VAT1L: variants seen among roughly 807,000 people sequenced by gnomAD.
VAT1L encodes the protein vesicle amine transport 1 like, also known as putative NADPH-dependent quinone oxidoreductase VAT1L.
A neutral mutation model predicts 44.1 loss-of-function variants in VAT1L; 34 were observed. That is an observed-to-expected ratio of 0.77 (90% CI 0.59 to 1.03). The LOEUF (loss-of-function observed/expected upper bound fraction) is 1.03, where lower values mean the gene tolerates loss of function less well. Ranked by LOEUF, VAT1L falls within the 50% of genes least tolerant of loss-of-function variation. The pLI is 0.00. For synonymous variants in VAT1L, 253 were observed against 202.2 expected (o/e 1.25, Z -2.13); for missense variants, 615 against 538.8 (o/e 1.14, Z -1.40).
chr16:77,797,390 C>T (rs1327266734), intron 1 of VAT1L, among the ~76,000 whole-genome samples: 3 of 152,182 alleles, frequency 2.0e-5, no homozygotes, highest in East Asian at 1.9e-4. Context: ...GGATTACAGG[C>T]GTGAGCCACC....
chr16:77,854,083 G>A (rs796198884), intron 3 of VAT1L, among the ~76,000 whole-genome samples: 9 of 151,640 alleles, frequency 5.9e-5, no homozygotes, highest in East Asian at 1.9e-4. Flanking sequence ...AGCCAAGATC[G>A]CACCACTGCA....
Position 77,788,662 on chromosome 16 carries a change from C to T in VAT1L, c.-21C>T. The stretch of plus-strand genomic sequence containing the variant: ...GCCACCGCAGCCACCGCAGCCCGTG[C>T]GCCCCGCGCCCTCGAGCGCCATGGC... On this transcript the variant is annotated 5_prime_UTR_variant, in exon 1 of 9. Coordinates refer to ENST00000302536, the MANE Select transcript of VAT1L (RefSeq NM_020927.3). 2 of 1,546,678 alleles carry T rather than the reference C, an allele frequency of 1.3e-6. No homozygotes were observed. The highest frequency in any genetic ancestry group is 1.7e-6 in the Non-Finnish European group (2 of 1,145,550).
At chr16:77,895,216 T>C (rs146082936) in intron 7 of VAT1L, among the ~76,000 whole-genome samples, 1 of 151,938 alleles carries the variant, frequency 6.6e-6, no homozygotes, top group Non-Finnish European at 1.5e-5. Context: ...GGCCCTGCCA[T>C]GCCCTTGCAC....
chr16:77,963,268 G>C (rs959524983), intron 7 of VAT1L, among the ~76,000 whole-genome samples: 1 of 152,162 alleles, frequency 6.6e-6, no homozygotes, highest in Non-Finnish European at 1.5e-5. Context: ...TTGGGGATGG[G>C]GAGATCCTCC....
chr16:77,902,980 AAAAAAAAAAAGAAAG>A (rs1341320367), intron 7 of VAT1L, among the ~76,000 whole-genome samples: 1 of 151,726 alleles, frequency 6.6e-6, no homozygotes, highest in East Asian at 1.9e-4. Flanking sequence ...CTGAAAAAAA[AAAAAAAAAAAGAAAG>A]AAAAAAAGTA....
intron 3 of VAT1L, among the ~76,000 whole-genome samples, chr16:77,833,774 A>C (rs1368917168): frequency 6.6e-6 from 1 of 151,854 alleles, no homozygotes; most frequent in Non-Finnish European, 1.5e-5. Context: ...AAGAAAAAAA[A>C]GAAAAATGAA....
intron 4 of VAT1L, among the ~76,000 whole-genome samples, chr16:77,863,319 G>A (rs2016935898): frequency 6.6e-6 from 1 of 152,230 alleles, no homozygotes; most frequent in Non-Finnish European, 1.5e-5. Context: ...TGGGCAGACA[G>A]CACCAAAGGG....
At chr16:77,958,456 C>T (rs975601117) in intron 7 of VAT1L, among the ~76,000 whole-genome samples, 1 of 152,194 alleles carries the variant, frequency 6.6e-6, no homozygotes, top group Non-Finnish European at 1.5e-5. Flanking sequence ...TCCTCTTCCC[C>T]AGGTCTCACT....
chr16:77,937,939 C>A (rs1416405388), intron 7 of VAT1L, among the ~76,000 whole-genome samples: 1 of 152,198 alleles, frequency 6.6e-6, no homozygotes, highest in Non-Finnish European at 1.5e-5. Context: ...AAAGAATATG[C>A]TAAGTCACTG....
intron 7 of VAT1L, among the ~76,000 whole-genome samples, chr16:77,940,747 A>C (rs2017872646): frequency 6.6e-6 from 1 of 152,200 alleles, no homozygotes; most frequent in African/African-American, 2.4e-5. Context: ...GTCTGTCTTC[A>C]AATTTTCCAG....
chr16:77,935,719 A>G (rs896856850), intron 7 of VAT1L, among the ~76,000 whole-genome samples: 1 of 152,184 alleles, frequency 6.6e-6, no homozygotes, highest in Admixed American at 6.5e-5. Context: ...AGGGTTGCAC[A>G]GTAGACCAGC....
chr16:77,846,770 T>C (rs1239320521), intron 3 of VAT1L, among the ~76,000 whole-genome samples: 8 of 152,212 alleles, frequency 5.3e-5, no homozygotes, highest in African/African-American at 1.9e-4. Context: ...AATGGGGTGT[T>C]AAATAATTTG....
intron 1 of VAT1L, 102 bp downstream of exon 1, chr16:77,789,017 C>G (rs977518511): frequency 1.6e-5 from 21 of 1,323,462 alleles, no homozygotes; most frequent in Non-Finnish European, 2.0e-5. Context: ...GTAGAACCGC[C>G]GCGCGCACCC....
chr16:77,838,935 G>T (rs1174091057), intron 3 of VAT1L, among the ~76,000 whole-genome samples: 1 of 151,762 alleles, frequency 6.6e-6, no homozygotes, highest in Non-Finnish European at 1.5e-5. Flanking sequence ...AGCCCTGGGG[G>T]TAACTGTGTT....
intron 7 of VAT1L, among the ~76,000 whole-genome samples, chr16:77,901,156 T>A (rs2017378258): frequency 3.2e-5 from 1 of 30,896 alleles, no homozygotes; most frequent in African/African-American, 8.7e-5. Context: ...AGTTTACCTT[T>A]TTTTTTTTTT....
At chr16:77,854,183 G>A (rs1457307433) in intron 3 of VAT1L, among the ~76,000 whole-genome samples, 1 of 151,842 alleles carries the variant, frequency 6.6e-6, no homozygotes, top group Non-Finnish European at 1.5e-5. Flanking sequence ...AAAAATGCCT[G>A]TCCCACTCTT....
intron 7 of VAT1L, among the ~76,000 whole-genome samples, chr16:77,942,324 A>G (rs778031387): frequency 1.2e-4 from 18 of 152,044 alleles, no homozygotes; most frequent in Non-Finnish European, 2.6e-4. Context: ...ACCCTCCCCC[A>G]TGATTTAGTT....
At chr16:77,841,152 C>A (rs2016700599) in intron 3 of VAT1L, among the ~76,000 whole-genome samples, 1 of 152,182 alleles carries the variant, frequency 6.6e-6, no homozygotes, top group African/African-American at 2.4e-5. Flanking sequence ...GCAATCGGGG[C>A]TCACTGCAGT....
At chr16:77,916,449 C>T (rs1381364606) in intron 7 of VAT1L, among the ~76,000 whole-genome samples, 1 of 152,136 alleles carries the variant, frequency 6.6e-6, no homozygotes. Context: ...ACTACTCTCT[C>T]TCCACTGGGT....
Sources: allele counts gnomAD v4.1 joint callset (sites outside exome capture counted in the v4.1 genomes callset), GRCh38; gene constraint gnomAD v4.1.1; transcripts MANE v1.5; gene names NCBI Gene and HGNC (gene_info 2026-07-23, HGNC 2026-07-21).